The following CDH7 variants were observed in gnomAD, a reference collection of about 807,000 sequenced individuals.
CDH7 encodes the protein cadherin-7.
CDH7 carries 25 observed loss-of-function variants against 71.8 expected under a neutral mutation model. The observed-to-expected ratio is 0.35, with a 90% CI of 0.25 to 0.49. The LOEUF (loss-of-function observed/expected upper bound fraction) is 0.49, where lower values mean the gene tolerates loss of function less well. Among genes scored for constraint, CDH7 ranks in the 20% least tolerant of loss-of-function variants. The pLI, the probability that CDH7 is intolerant of heterozygous loss-of-function variation, is 0.99. For synonymous variants in CDH7, 381 were observed against 363.8 expected (o/e 1.05, Z -0.54); for missense variants, 862 against 974.6 (o/e 0.88, Z 1.54).
chr18:65,793,109 G>A (rs143300129), intron 2 of CDH7, among the ~76,000 whole-genome samples: 255 of 152,208 alleles, frequency 1.7e-3, no homozygotes, highest in African/African-American at 5.9e-3. Flanking sequence ...TCCACCCCAT[G>A]AAGTTTATGA....
intron 10 of CDH7, among the ~76,000 whole-genome samples, chr18:65,861,157 G>GAAA (rs1429693675): frequency 6.6e-6 from 1 of 152,116 alleles, no homozygotes; most frequent in African/African-American, 2.4e-5. Context: ...CCACACAATT[G>GAAA]AAAAATTGTC....
intron 7 of CDH7, among the ~76,000 whole-genome samples, chr18:65,852,939 C>G (rs1477444215): frequency 6.6e-6 from 1 of 152,030 alleles, no homozygotes; most frequent in East Asian, 1.9e-4. Context: ...TGAATTTGCT[C>G]ATAGATATAT....
At chr18:65,751,944 A>C (rs1453622260) in intron 1 of CDH7, among the ~76,000 whole-genome samples, 1 of 152,198 alleles carries the variant, frequency 6.6e-6, no homozygotes, top group Non-Finnish European at 1.5e-5. Flanking sequence ...CTTAAATGTC[A>C]TAGTTCAGGT....
rs548091344 is a variant in CDH7 at position 65,835,333 on chromosome 18, T to C, written c.982-8479T>C. ...TAAAGTATTGTGGACACAGGGAAAG[T>C]GGGAAAAATATGTTGAGTTCCAGCG... is the stretch of plus-strand genomic sequence containing the variant. On this transcript the variant is annotated intron_variant, in intron 6 of 11. Coordinates refer to ENST00000397968, the MANE Select transcript of CDH7 (RefSeq NM_004361.5). Among the ~76,000 whole-genome samples, 19 of 152,158 alleles carry C rather than the reference T, an allele frequency of 1.2e-4. No homozygotes were observed. In the South Asian group the frequency reaches 3.3e-3, roughly 27 times the overall value.
intron 7 of CDH7, among the ~76,000 whole-genome samples, chr18:65,856,332 A>T (rs1220468762): frequency 6.6e-6 from 1 of 152,192 alleles, no homozygotes; most frequent in African/African-American, 2.4e-5. Context: ...ATATCCATAT[A>T]CACAGGAGTA....
chr18:65,782,051 T>TC lies in CDH7; in HGVS notation c.210+18999_210+19000insC, dbSNP rs1568182260. Among the ~76,000 whole-genome samples, 16 of 62,148 alleles carry TC rather than the reference T, an allele frequency of 2.6e-4. 4 individuals carry two copies. Among genetic ancestry groups the TC allele is most frequent in the Admixed American group, 4.2e-4 (3 of 7,202 alleles). The allele number at this position is 62,148 out of a possible 152,430, so 40.8% of individuals were successfully genotyped here. A position where few individuals can be genotyped will look rare whatever the true frequency, so the allele number is the denominator to read the frequency against. The stretch of plus-strand genomic sequence containing the variant: ...CTCCCTTCCTTCCTTCCTTCCTTCC[T>TC]TCCTTCCTTCCTTTCTTTCTTTCTT... On this transcript the variant is annotated intron_variant, in intron 2 of 11. Transcript: ENST00000397968.
chr18:65,824,561 A>C (rs974080), intron 5 of CDH7, 83 bp from the exon 6 acceptor site: 5 of 868,812 alleles, frequency 5.8e-6, no homozygotes, highest in Non-Finnish European at 8.5e-6. Flanking sequence ...GTTGTGCTAC[A>C]ATGATGCCAA....
chr18:65,798,344 T>A (rs759843236), intron 2 of CDH7, among the ~76,000 whole-genome samples: 3 of 152,234 alleles, frequency 2.0e-5, no homozygotes, highest in Non-Finnish European at 4.4e-5. Flanking sequence ...CTTCTTCTGA[T>A]CAGCAAGTAC....
chr18:65,859,938 T>G, intron 10 of CDH7, 113 bp downstream of exon 10: 1 of 650,786 alleles, frequency 1.5e-6, no homozygotes, highest in East Asian at 2.7e-5. Context: ...GGACAATAAT[T>G]AAAGGGCAAT....
intron 7 of CDH7, among the ~76,000 whole-genome samples, chr18:65,849,620 CCAGGCTTG>C (rs1319275998): frequency 6.6e-6 from 1 of 151,312 alleles, no homozygotes; most frequent in African/African-American, 2.4e-5. Context: ...ACCATGTTGG[CCAGGCTTG>C]CCTCGAACTC....
chr18:65,876,072 G>A (rs17075388), intron 11 of CDH7, among the ~76,000 whole-genome samples: 8,894 of 152,088 alleles, frequency 0.058, 316 homozygotes, highest in Middle Eastern at 0.078. Flanking sequence ...ATTTCTCTGC[G>A]CCTGTGCATG....
intron 11 of CDH7, chr18:65,863,200 G>C: frequency 4.5e-6 from 2 of 441,176 alleles, no homozygotes; most frequent in South Asian, 5.1e-5. Flanking sequence ...ACCACACCCA[G>C]CTAACTTTTG....
chr18:65,788,934 C>T (rs1052386598), intron 2 of CDH7, among the ~76,000 whole-genome samples: 10 of 152,070 alleles, frequency 6.6e-5, no homozygotes, highest in Non-Finnish European at 1.2e-4. Flanking sequence ...AGAAGAAATA[C>T]GTAGTCTATA....
At chr18:65,835,449 A>C (rs187937876) in intron 6 of CDH7, among the ~76,000 whole-genome samples, 208 of 152,256 alleles carry the variant, frequency 1.4e-3, no homozygotes, top group African/African-American at 4.7e-3. Context: ...TTCCCTCATC[A>C]TCCTTTCTCC....
At chr18:65,808,712 C>A (rs1470146000) in intron 2 of CDH7, among the ~76,000 whole-genome samples, 1 of 151,910 alleles carries the variant, frequency 6.6e-6, no homozygotes, top group Non-Finnish European at 1.5e-5. Flanking sequence ...TCTTTAGCAC[C>A]TTGTCTTTTA....
At chr18:65,764,543 AC>A (rs1204275084) in intron 2 of CDH7, among the ~76,000 whole-genome samples, 1 of 151,998 alleles carries the variant, frequency 6.6e-6, no homozygotes, top group East Asian at 1.9e-4. Context: ...GAGAGGAGTA[AC>A]CGTAATGATT....
intron 2 of CDH7, among the ~76,000 whole-genome samples, chr18:65,787,799 C>G (rs1331140218): frequency 1.3e-5 from 2 of 152,144 alleles, no homozygotes; most frequent in Non-Finnish European, 2.9e-5. Flanking sequence ...CACAGGTGAA[C>G]ATAGCTACAA....
In CDH7 at chr18:65,809,860, C is replaced by A; in HGVS notation, c.367C>A (p.Gln123Lys). Residue 123 changes from glutamine (Q) to lysine (K), a missense_variant, in exon 3 of 12, where the codon CAA (glutamine) becomes AAA (lysine). Transcript: ENST00000397968. ...GCAGGCCTACTACACGCTCCGAGCT[C>A]AAGCGCTGGATAGGCTCACCAACAA... ...EEQAYYTLRAQALDRLTNKPV... is the reference protein window; with the variant it reads ...EEQAYYTLRAKALDRLTNKPV... The A allele has an allele frequency of 6.2e-7, 1 of 1,613,934 alleles. No individual in the cohort carries two copies. Among genetic ancestry groups the A allele is most frequent in the South Asian group, 1.1e-5 (1 of 91,068 alleles).
chr18:65,796,546 CATTT>C (rs1230008664), intron 2 of CDH7, among the ~76,000 whole-genome samples: 1 of 152,086 alleles, frequency 6.6e-6, no homozygotes, highest in Non-Finnish European at 1.5e-5. Flanking sequence ...AGTTTACCCA[CATTT>C]ATTTAGACGA....
Sources: allele counts gnomAD v4.1 joint callset (sites outside exome capture counted in the v4.1 genomes callset), GRCh38; gene constraint gnomAD v4.1.1; transcripts MANE v1.5; gene names NCBI Gene and HGNC (gene_info 2026-07-23, HGNC 2026-07-21).